The following ADAM23 variants were observed in gnomAD, a reference collection of about 807,000 sequenced individuals.
The protein encoded by ADAM23 is ADAM metallopeptidase domain 23, also known as disintegrin and metalloproteinase domain-containing protein 23.
A neutral mutation model predicts 120.1 loss-of-function variants in ADAM23; 33 were observed. The ratio of observed to expected loss-of-function variants is 0.27; its 90% CI spans 0.21 to 0.37. ADAM23 has a LOEUF of 0.37. ADAM23 is among the 10% of genes least tolerant of loss of function. ADAM23 has a pLI of 1.00. For synonymous variants in ADAM23, 367 were observed against 375.2 expected (o/e 0.98, Z 0.25); for missense variants, 862 against 1,058.2 (o/e 0.81, Z 2.57).
In ADAM23 at chr2:206,530,878, T is replaced by G; in HGVS notation, c.510-7T>G. 6.2e-7 allele frequency: 1 copy of G among 1,612,960 alleles called. No homozygotes were observed. Among genetic ancestry groups the G allele is most frequent in the Non-Finnish European group, 8.5e-7 (1 of 1,179,204 alleles). ...GCAGAAATCACTCTATTTTCTTTCC[T>G]TTGTAGTGGTTTGTTGTCTTCTGAT... On this transcript the variant is annotated splice_region_variant and splice_polypyrimidine_tract_variant and intron_variant, in intron 3 of 25. Coordinates refer to ENST00000264377, the MANE Select transcript of ADAM23 (RefSeq NM_003812.4).
At chr2:206,540,008 T>G (rs1697257498) in intron 4 of ADAM23, among the ~76,000 whole-genome samples, 1 of 152,064 alleles carries the variant, frequency 6.6e-6, no homozygotes, top group Non-Finnish European at 1.5e-5. Flanking sequence ...AAGTCTCATT[T>G]AAGTTTAAAA....
At position 206,610,009 on chromosome 2, in the gene ADAM23, C is replaced by T. The variant is rs756138286; in HGVS notation, c.2450+9C>T. 7.7e-6 allele frequency: 12 copies of T among 1,555,778 alleles called. No individual in the cohort carries two copies. The highest frequency in any genetic ancestry group is 6.2e-5 in the South Asian group (5 of 81,198). The stretch of plus-strand genomic sequence containing the variant: ...ACAGGCTGGGGATTTAAGTAAGCAA[C>T]GCCGCATGTCTTCTTCTCAGTGGCT... On this transcript the variant is annotated intron_variant, in intron 25 of 25. Transcript: ENST00000264377.
chr2:206,545,724 A>T (rs1042142997), intron 6 of ADAM23, among the ~76,000 whole-genome samples: 82 of 152,330 alleles, frequency 5.4e-4, no homozygotes, highest in African/African-American at 1.9e-3. Context: ...GCCCACTTAG[A>T]TAAAGACATT....
At chr2:206,590,049 C>T (rs1661952677) in intron 21 of ADAM23, among the ~76,000 whole-genome samples, 1 of 151,992 alleles carries the variant, frequency 6.6e-6, no homozygotes. Flanking sequence ...TTAAAGCCAT[C>T]TTTACTCAGG....
At chr2:206,522,834 G>A (rs573826633) in intron 3 of ADAM23, among the ~76,000 whole-genome samples, 13 of 151,492 alleles carry the variant, frequency 8.6e-5, no homozygotes, top group Admixed American at 2.6e-4. Flanking sequence ...ATGACATACG[G>A]GGGTAAAACT....
At chr2:206,584,983 A>C (rs1453945390) in intron 18 of ADAM23, among the ~76,000 whole-genome samples, 1 of 152,116 alleles carries the variant, frequency 6.6e-6, no homozygotes, top group Non-Finnish European at 1.5e-5. Context: ...TAAAGTCGGA[A>C]ACTTTTCCTG....
In ADAM23 at chr2:206,597,922, A is replaced by G. The variant is rs1324569177; in HGVS notation, c.2359+1760A>G. On this transcript the variant is annotated intron_variant, in intron 24 of 25. Transcript: ENST00000264377. Reference sequence around the variant, plus strand: ...TGATTCAGGCGCATGTGAATTGTTCAGTAATAGTGGGTGTGTTAAAACACA... The same window carrying G: ...TGATTCAGGCGCATGTGAATTGTTCGGTAATAGTGGGTGTGTTAAAACACA... 2.0e-5 allele frequency among the ~76,000 whole-genome samples: 3 copies of G among 152,236 alleles called. No homozygotes were observed. In the East Asian group the frequency reaches 5.8e-4, roughly 29 times the overall value.
chr2:206,561,044 A>T, intron 11 of ADAM23, 84 bp from the exon 12 acceptor site: 1 of 1,176,808 alleles, frequency 8.5e-7, no homozygotes, highest in East Asian at 2.4e-5. Context: ...GGGGTGTTCC[A>T]TGTAGGAGGG....
At chr2:206,562,078 A>G (rs1559265272) in intron 12 of ADAM23, 125 bp from the exon 13 acceptor site, 2 of 732,832 alleles carry the variant, frequency 2.7e-6, no homozygotes, top group Non-Finnish European at 4.6e-6. Flanking sequence ...AGCATATGCC[A>G]TCTTAAGATA....
intron 2 of ADAM23, 68 bp downstream of exon 2, chr2:206,445,592 C>T (rs541166692): frequency 7.2e-7 from 1 of 1,394,024 alleles, no homozygotes; most frequent in African/African-American, 1.4e-5. Flanking sequence ...GATTTTCTGC[C>T]AGAATCTGAG....
chr2:206,466,161 T>C (rs1695538321), intron 2 of ADAM23, among the ~76,000 whole-genome samples: 1 of 152,186 alleles, frequency 6.6e-6, no homozygotes. Context: ...AAGTGAACTT[T>C]CGGAAAATCA....
intron 18 of ADAM23, among the ~76,000 whole-genome samples, chr2:206,580,996 G>T (rs1338007331): frequency 6.6e-6 from 1 of 152,056 alleles, no homozygotes; most frequent in Non-Finnish European, 1.5e-5. Flanking sequence ...TCTAGTGTAT[G>T]TGTGTAAAGG....
intron 3 of ADAM23, among the ~76,000 whole-genome samples, chr2:206,515,413 C>T (rs188559481): frequency 1.1e-4 from 16 of 152,168 alleles, no homozygotes; most frequent in Non-Finnish European, 2.2e-4. Context: ...TGTGGTGGCA[C>T]GCTCCATGAG....
chr2:206,548,348 A>G lies in ADAM23; in HGVS notation c.861A>G (p.Ala287=), dbSNP rs746504454. The change falls in exon 8 of 26, where the codon GCA becomes GCG. Residue 287 remains alanine (A), a synonymous_variant. Coordinates refer to ENST00000264377, the MANE Select transcript of ADAM23 (RefSeq NM_003812.4). ...ELQWLKRRKR[A]VNPSRGIFEE... The stretch of plus-strand genomic sequence containing the variant: ...AGTGGTTGAAAAGAAGGAAGAGAGC[A>G]GTGAATGTGAGTGTGGCATTGAGCC... The G allele has an allele frequency of 1.2e-6, 2 of 1,608,522 alleles. No homozygotes were observed. Among genetic ancestry groups the G allele is most frequent in the Non-Finnish European group, 1.7e-6 (2 of 1,179,882 alleles).
intron 2 of ADAM23, among the ~76,000 whole-genome samples, chr2:206,460,261 G>A (rs984897819): frequency 5.9e-5 from 9 of 152,104 alleles, no homozygotes; most frequent in East Asian, 3.8e-4. Context: ...AAAGTTGGGC[G>A]CTTATAATTC....
intron 2 of ADAM23, among the ~76,000 whole-genome samples, chr2:206,456,795 C>A (rs990814281): frequency 2.6e-5 from 4 of 152,162 alleles, no homozygotes; most frequent in Admixed American, 2.6e-4. Context: ...GTAGTCAAAT[C>A]CAAGCACAGC....
At chr2:206,444,440 T>G (rs1370115668) in intron 1 of ADAM23, among the ~76,000 whole-genome samples, 2 of 152,122 alleles carry the variant, frequency 1.3e-5, no homozygotes, top group African/African-American at 4.8e-5. Context: ...TTAATGTGAA[T>G]GCGGGGAGGA....
intron 17 of ADAM23, 82 bp from the exon 18 acceptor site, chr2:206,573,032 CA>C: frequency 7.6e-7 from 1 of 1,309,550 alleles, no homozygotes; most frequent in Non-Finnish European, 1.1e-6. Flanking sequence ...AGAGTATAGG[CA>C]TTGTCGGTGA....
Position 206,561,219 on chromosome 2 carries a change from T to G in ADAM23, c.1254+7T>G. On this transcript the variant is annotated splice_region_variant and intron_variant, in intron 12 of 25. Transcript: ENST00000264377. ...AGGAGTTGGTGTGAATGAGGTAAAT[T>G]TTACCAATTAGAGTTTCATCTTTGC... The G allele has an allele frequency of 6.2e-7, 1 of 1,611,782 alleles. No individual in the cohort carries two copies. Among genetic ancestry groups the G allele is most frequent in the East Asian group, 2.2e-5 (1 of 44,838 alleles).
Sources: allele counts gnomAD v4.1 joint callset (sites outside exome capture counted in the v4.1 genomes callset), GRCh38; gene constraint gnomAD v4.1.1; transcripts MANE v1.5; gene names NCBI Gene and HGNC (gene_info 2026-07-23, HGNC 2026-07-21).